Variants in RNF31 observed in about 807,000 individuals in gnomAD.
RNF31 encodes the protein E3 ubiquitin-protein ligase RNF31.
Under a neutral mutation model 133.6 loss-of-function variants are expected in RNF31, and 38 were observed. The ratio of observed to expected loss-of-function variants is 0.28; its 90% CI spans 0.22 to 0.37. RNF31 has a LOEUF of 0.37. Ranked by LOEUF, RNF31 falls within the 10% of genes least tolerant of loss-of-function variation. The pLI, the probability that RNF31 is intolerant of heterozygous loss-of-function variation, is 1.00. For synonymous variants in RNF31, 582 were observed against 552.3 expected, an observed-to-expected ratio of 1.05 and a Z score of -0.75; for missense variants, 1,118 against 1,394.1, an observed-to-expected ratio of 0.80 and a Z score of 3.15.
At chr14:24,154,677 TC>T (rs2038316694) in intron 11 of RNF31, among the ~76,000 whole-genome samples, 1 of 152,222 alleles carries the variant, frequency 6.6e-6, no homozygotes, top group Non-Finnish European at 1.5e-5. Context: ...TTCATTTTTC[TC>T]ATGGATATGC....
Position 24,151,858 on chromosome 14 carries a change from C to T in RNF31, c.1996C>T (p.Leu666=), listed in dbSNP as rs183913870. ...WGRAELALSL[L]QETPRNYELG... Reference sequence around the variant, plus strand: ...CCGGGCAGAGCTGGCACTGTCACTGCTGCAGGAGACACCCAGGAACTATGA... The same window carrying T: ...CCGGGCAGAGCTGGCACTGTCACTGTTGCAGGAGACACCCAGGAACTATGA... The change falls in exon 11 of 21, where the codon CTG becomes TTG. Residue 666 remains leucine, a synonymous_variant. Coordinates refer to ENST00000324103, the MANE Select transcript of RNF31 (RefSeq NM_017999.5). This position sits in a 1 kb window ranked among gnomAD's most constrained non-coding sequence, Gnocchi z 5.3. The T allele has an allele frequency of 6.2e-7, 1 of 1,614,132 alleles. No homozygotes were observed. The highest frequency in any genetic ancestry group is 2.2e-5 in the East Asian group (1 of 44,888).
In RNF31 at chr14:24,149,077, C is replaced by T. The variant is rs892978560; in HGVS notation, c.631+201C>T. The T allele has an allele frequency of 2.1e-5, 13 of 619,334 alleles. No individual in the cohort carries two copies. In the African/African-American group the frequency reaches 2.2e-4, roughly 11 times the overall value. The allele number at this position is 619,334 out of a possible 1,614,324, so 38.4% of individuals were successfully genotyped here. On this transcript the variant is annotated intron_variant, in intron 5 of 20. Coordinates refer to ENST00000324103, the MANE Select transcript of RNF31 (RefSeq NM_017999.5). ...CTCCCGGGTTCAAGCGATTCTCCTG[C>T]CTCAGCCTCCCGAGTAGCTGGGATT... is the stretch of plus-strand genomic sequence containing the variant.
In RNF31 at chr14:24,160,404, A is replaced by C. The variant is rs1242260461; in HGVS notation, c.3162A>C (p.Leu1054Phe). Residue 1054 changes from leucine (L) to phenylalanine (F), a missense_variant, in exon 20 of 21, where the codon TTA becomes TTC. Around this residue, in one of 3 missense-constraint regions of RNF31, gnomAD observed 170 missense variants for 194.5 expected, o/e 0.87. Coordinates refer to ENST00000324103, the MANE Select transcript of RNF31 (RefSeq NM_017999.5). This position sits in a 1 kb window ranked among gnomAD's most constrained non-coding sequence, Gnocchi z 4.0. ...EDPPAYQARLLQKLTEEVPLG... is the reference protein window; with the variant it reads ...EDPPAYQARLFQKLTEEVPLG... ...CCCCTGCTTACCAGGCCCGCTTGTT[A>C]CAGGTATAGCCTCCACCCAGCCTCA... is the stretch of plus-strand genomic sequence containing the variant. 1.4e-5 allele frequency: 22 copies of C among 1,613,968 alleles called. No individual in the cohort carries two copies. Among genetic ancestry groups the C allele is most frequent in the Admixed American group, 3.3e-5 (2 of 60,014 alleles).
chr14:24,151,684 G>T lies in RNF31; in HGVS notation c.1923+14G>T. 6.2e-7 allele frequency: 1 copy of T among 1,609,016 alleles called. No individual in the cohort carries two copies. The stretch of plus-strand genomic sequence containing the variant: ...CCAGACAAGCAGGTGCTGGGAGGAG[G>T]CAAGAAGCCCAAGGGTCCACCTAGA... On this transcript the variant is annotated intron_variant, in intron 10 of 20. Transcript: ENST00000324103. This position sits in a 1 kb window ranked among gnomAD's most constrained non-coding sequence, Gnocchi z 5.3.
Position 24,151,360 on chromosome 14 carries a change from T to G in RNF31, c.1718T>G (p.Val573Gly). ...GNLDEAVEEC[V>G]RTRRRKVQEL... Reference sequence around the variant, plus strand: ...CTTGATGAAGCTGTGGAGGAGTGTGTGAGGACCAGGCGAAGGAAGGTATCA... The same window carrying G: ...CTTGATGAAGCTGTGGAGGAGTGTGGGAGGACCAGGCGAAGGAAGGTATCA... The change falls in exon 9 of 21, where the codon GTG becomes GGG. Residue 573 changes from valine to glycine, a missense_variant. By Grantham distance (109) the Val-to-Gly change is moderately radical. Around this residue, in one of 3 missense-constraint regions of RNF31, gnomAD observed 747 missense variants for 827.9 expected, o/e 0.90. Transcript: ENST00000324103. This position sits in a 1 kb window ranked among gnomAD's most constrained non-coding sequence, Gnocchi z 5.3. 1.9e-6 allele frequency: 3 copies of G among 1,614,132 alleles called. No individual in the cohort carries two copies. The highest frequency in any genetic ancestry group is 2.5e-6 in the Non-Finnish European group (3 of 1,180,012).
At chr14:24,154,706 G>A (rs1367021425) in intron 11 of RNF31, among the ~76,000 whole-genome samples, 1 of 152,042 alleles carries the variant, frequency 6.6e-6, no homozygotes, top group Non-Finnish European at 1.5e-5. Context: ...TGTATGTGTG[G>A]TTCTATGCAG....
In RNF31 at chr14:24,151,491, G is replaced by A. The variant is rs776673709; in HGVS notation, c.1744G>A (p.Glu582Lys). The A allele has an allele frequency of 1.6e-5, 26 of 1,614,012 alleles. 1 individual carries two copies. In the South Asian group the frequency reaches 2.6e-4, roughly 16 times the overall value. ...TGCCACTCCCATCTTGCAGGTGCAG[G>A]AGCTCCAGTCTCTAGGCTTTGGGCC... Reference protein sequence around the residue: ...CVRTRRRKVQELQSLGFGPEE... With the variant: ...CVRTRRRKVQKLQSLGFGPEE... The change falls in exon 10 of 21, where the codon GAG becomes AAG. Residue 582 changes from glutamate to lysine, a missense_variant. Physicochemically the swap from Glu to Lys is moderately conservative, Grantham distance 56 (BLOSUM62 1). Transcript: ENST00000324103. The surrounding 1 kb of genome is among the most constrained non-coding windows in gnomAD (Gnocchi z 5.3).
intron 11 of RNF31, chr14:24,154,857 T>A: frequency 2.5e-6 from 1 of 404,070 alleles, no homozygotes; most frequent in Non-Finnish European, 4.5e-6. Context: ...ACCATGAAGC[T>A]GTTCTCCACC....
intron 18 of RNF31, 97 bp downstream of exon 18, chr14:24,158,296 T>G: frequency 8.5e-7 from 1 of 1,181,610 alleles, no homozygotes; most frequent in South Asian, 1.3e-5. Context: ...GGTCACTTGT[T>G]GCATGCCCTT....
Position 24,147,763 on chromosome 14 carries a change from G to A in RNF31, c.65G>A (p.Arg22Lys). 6.4e-7 allele frequency: 1 copy of A among 1,574,522 alleles called. No homozygotes were observed. Among genetic ancestry groups the A allele is most frequent in the South Asian group, 1.2e-5 (1 of 86,918 alleles). ...CGCGAGGAGCTGGCGAGCGCCCTGAGGAGGGATTCCGGGCAGGCGTTTTCC... is the reference window on the plus strand; with the variant it reads ...CGCGAGGAGCTGGCGAGCGCCCTGAAGAGGGATTCCGGGCAGGCGTTTTCC... ...VAREELASAL[R>K]RDSGQAFSLE... Residue 22 changes from arginine (R) to lysine (K), a missense_variant, in exon 1 of 21, where the codon AGG becomes AAG. This residue lies in a region of RNF31 where 747 missense variants were observed against 827.9 expected (regional missense o/e 0.90). Transcript: ENST00000324103.
At chr14:24,156,638 G>T (rs1302931753) in intron 14 of RNF31, among the ~76,000 whole-genome samples, 1 of 152,104 alleles carries the variant, frequency 6.6e-6, no homozygotes, top group East Asian at 1.9e-4. Context: ...AATTAGCCGG[G>T]TGTGGTGGCA....
intron 18 of RNF31, chr14:24,158,857 C>G (rs1351319930): frequency 1.3e-5 from 2 of 150,520 alleles, no homozygotes; most frequent in African/African-American, 5.0e-5. Flanking sequence ...CACGGTGAAA[C>G]CCCATCTCTA....
Position 24,147,583 on chromosome 14 carries a change from T to G in RNF31, c.-116T>G. The stretch of plus-strand genomic sequence containing the variant: ...GTCTGAGTGACCTGGGGCGGCTGCG[T>G]GGGCCGGGGTGGGCCTCAAAGCCGG... On this transcript the variant is annotated 5_prime_UTR_variant, in exon 1 of 21. Coordinates refer to ENST00000324103, the MANE Select transcript of RNF31 (RefSeq NM_017999.5). 2.2e-6 allele frequency: 2 copies of G among 913,422 alleles called. No individual in the cohort carries two copies. Among genetic ancestry groups the G allele is most frequent in the Non-Finnish European group, 1.5e-6 (1 of 668,752 alleles). 56.6% of individuals were successfully genotyped at this position (913,422 alleles called of 1,614,324 possible).
chr14:24,148,348 C>T lies in RNF31; in HGVS notation c.430C>T (p.His144Tyr), dbSNP rs1191352298. Residue 144 changes from histidine (H) to tyrosine (Y), a missense_variant, in exon 3 of 21, where the codon CAC (histidine) becomes TAC (tyrosine). Around this residue, in one of 3 missense-constraint regions of RNF31, gnomAD observed 747 missense variants for 827.9 expected, o/e 0.90. Coordinates refer to ENST00000324103, the MANE Select transcript of RNF31 (RefSeq NM_017999.5). The part of the protein sequence containing the change: ...FPEGQEEPDE[H>Y]QVATVTLEVL... Reference sequence around the variant, plus strand: ...CGAAGGGCAGGAGGAGCCAGATGAGCACCAGGTTGCTACAGTCACACTGGA... The same window carrying T: ...CGAAGGGCAGGAGGAGCCAGATGAGTACCAGGTTGCTACAGTCACACTGGA... 1 of 1,614,190 alleles carries T rather than the reference C, an allele frequency of 6.2e-7. No individual in the cohort carries two copies. Among genetic ancestry groups the T allele is most frequent in the Admixed American group, 1.7e-5 (1 of 60,024 alleles).
Position 24,151,962 on chromosome 14 carries a change from C to A in RNF31, c.2100C>A (p.Ala700=), listed in dbSNP as rs369668951. The change falls in exon 11 of 21, where the codon GCC becomes GCA. Residue 700 remains alanine, a synonymous_variant. Transcript: ENST00000324103. The surrounding 1 kb of genome is among the most constrained non-coding windows in gnomAD (Gnocchi z 5.3). ...FLRRLLAQEC[A]VCGWALPHNR... ...GCCGCTTGCTTGCCCAGGAGTGTGC[C>A]GTGTGTGGCTGGGCCCTGCCCCACA... 1.2e-6 allele frequency: 2 copies of A among 1,613,990 alleles called. No homozygotes were observed. Among genetic ancestry groups the A allele is most frequent in the East Asian group, 4.5e-5 (2 of 44,900 alleles).
chr14:24,160,195 A>T lies in RNF31; in HGVS notation c.2997-44A>T. Reference sequence around the variant, plus strand: ...CAGCTATGTTAGACACACTCAGTTAATATTAGCCAACACAACAAATATTCT... The same window carrying T: ...CAGCTATGTTAGACACACTCAGTTATTATTAGCCAACACAACAAATATTCT... On this transcript the variant is annotated intron_variant, in intron 19 of 20. Transcript: ENST00000324103. This position sits in a 1 kb window ranked among gnomAD's most constrained non-coding sequence, Gnocchi z 4.0. The T allele has an allele frequency of 6.3e-7, 1 of 1,584,886 alleles. No homozygotes were observed. Among genetic ancestry groups the T allele is most frequent in the Non-Finnish European group, 8.6e-7 (1 of 1,165,542 alleles).
rs201959276 is a variant in RNF31, at chr14:24,148,431, T to C, written c.495+18T>C. ...TATTGCAGGTGAGATGCTCCTCTAG[T>C]CTTGATGGACTTATGCACCAGGGCT... On this transcript the variant is annotated intron_variant, in intron 3 of 20. Transcript: ENST00000324103. The C allele has an allele frequency of 9.7e-4, 1,561 of 1,613,852 alleles. 1 individual carries two copies. Among genetic ancestry groups the C allele is most frequent in the Non-Finnish European group, 1.2e-3 (1,398 of 1,179,968 alleles).
chr14:24,149,507 C>G lies in RNF31; in HGVS notation c.733C>G (p.His245Asp). 1 of 1,614,168 alleles carries G rather than the reference C, an allele frequency of 6.2e-7. No homozygotes were observed. The highest frequency in any genetic ancestry group is 8.5e-7 in the Non-Finnish European group (1 of 1,180,028). Reference sequence around the variant, plus strand: ...GTGTCCAGCCTGTGACCACCTGTTCCATGGACACCCATCCCGTGCTCATCA... The same window carrying G: ...GTGTCCAGCCTGTGACCACCTGTTCGATGGACACCCATCCCGTGCTCATCA... Reference protein sequence around the residue: ...ALCPACDHLFHGHPSRAHHLR... With the variant: ...ALCPACDHLFDGHPSRAHHLR... The change falls in exon 6 of 21, where the codon CAT (histidine) becomes GAT (aspartate). Residue 245 changes from histidine to aspartate, a missense_variant. His to Asp is a moderately conservative substitution (Grantham distance 81). This residue lies in a region of RNF31 where 747 missense variants were observed against 827.9 expected (regional missense o/e 0.90). Transcript: ENST00000324103.
At chr14:24,150,930 G>A in intron 8 of RNF31, 42 bp downstream of exon 8, 2 of 1,533,434 alleles carry the variant, frequency 1.3e-6, no homozygotes, top group Non-Finnish European at 1.8e-6. Flanking sequence ...GAGCTGGTCT[G>A]GGAAAGGAGA....
Sources: allele counts gnomAD v4.1 joint callset (sites outside exome capture counted in the v4.1 genomes callset), GRCh38; gene constraint gnomAD v4.1.1; regional missense constraint gnomAD v4.1.1; non-coding constraint Gnocchi (gnomAD v3.1); transcripts MANE v1.5; gene names NCBI Gene and HGNC (gene_info 2026-07-23, HGNC 2026-07-21).